SVEP1: variants seen among roughly 807,000 people sequenced by gnomAD.
SVEP1 encodes the protein sushi, von Willebrand factor type A, EGF and pentraxin domain containing 1.
A neutral mutation model predicts 367.3 loss-of-function variants in SVEP1; 164 were observed. The observed-to-expected ratio is 0.45, with a 90% confidence interval of 0.39 to 0.51. SVEP1 has a LOEUF of 0.51. SVEP1 is among the 20% of genes least tolerant of loss of function. The pLI is 0.00. For synonymous variants in SVEP1, 1,666 were observed against 1,611.6 expected (o/e 1.03, Z -0.81); for missense variants, 4,117 against 4,425.3 (o/e 0.93, Z 1.98).
intron 1 of SVEP1, among the ~76,000 whole-genome samples, chr9:110,563,904 C>T (rs917783554): frequency 2.0e-5 from 3 of 151,806 alleles, no homozygotes; most frequent in East Asian, 1.9e-4. Context: ...GTAATAAAAC[C>T]AAAAAAACAC....
intron 35 of SVEP1, 62 bp from the exon 36 acceptor site, chr9:110,427,820 CA>C: frequency 6.6e-7 from 1 of 1,524,864 alleles, no homozygotes; most frequent in East Asian, 2.3e-5. Flanking sequence ...GGAGATAAAA[CA>C]GGAAGAACTC....
chr9:110,491,402 C>G (rs74717003), intron 8 of SVEP1, among the ~76,000 whole-genome samples: 4,283 of 151,906 alleles, frequency 0.028, 193 homozygotes, highest in African/African-American at 0.098. Context: ...AATATGGCAT[C>G]TATTTCTGTT....
At chr9:110,475,239 T>C (rs1437994408) in intron 14 of SVEP1, among the ~76,000 whole-genome samples, 2 of 152,188 alleles carry the variant, frequency 1.3e-5, no homozygotes, top group Non-Finnish European at 2.9e-5. Context: ...CAGACATGAC[T>C]AGTATTCGAA....
At chr9:110,435,756 G>A (rs1201259157) in intron 28 of SVEP1, among the ~76,000 whole-genome samples, 1 of 152,168 alleles carries the variant, frequency 6.6e-6, no homozygotes, top group Admixed American at 6.5e-5. Context: ...GTAGTAATAA[G>A]AGCAAACATT....
chr9:110,467,212 T>G (rs1224061518), intron 17 of SVEP1, among the ~76,000 whole-genome samples: 1 of 152,210 alleles, frequency 6.6e-6, no homozygotes, highest in African/African-American at 2.4e-5. Context: ...GAACTCTTAC[T>G]GAGAATAATA....
intron 3 of SVEP1, among the ~76,000 whole-genome samples, chr9:110,522,789 C>A (rs1319185031): frequency 6.6e-6 from 1 of 151,958 alleles, no homozygotes. Flanking sequence ...TTTCTTCACT[C>A]CTCTACCTCA....
intron 40 of SVEP1, among the ~76,000 whole-genome samples, chr9:110,394,442 C>T (rs1485167974): frequency 8.5e-5 from 13 of 152,258 alleles, no homozygotes; most frequent in East Asian, 5.8e-4. Context: ...AAAATCAGAG[C>T]GCCTCTCCTC....
intron 18 of SVEP1, among the ~76,000 whole-genome samples, chr9:110,461,873 TGATA>T (rs1467024565): frequency 1.3e-5 from 2 of 152,204 alleles, no homozygotes; most frequent in Admixed American, 1.3e-4. Flanking sequence ...ACTCTTTGAT[TGATA>T]GATCTCAGAG....
At chr9:110,503,813 G>A (rs1417410209) in intron 5 of SVEP1, among the ~76,000 whole-genome samples, 2 of 152,018 alleles carry the variant, frequency 1.3e-5, no homozygotes, top group African/African-American at 4.8e-5. Context: ...CTCATGATAC[G>A]AATCTTGACT....
rs763006866 is a variant in SVEP1 at position 110,579,558 on chromosome 9, A to C, written c.-15T>G. The C allele has an allele frequency of 6.4e-7, 1 of 1,570,082 alleles. No homozygotes were observed. Among genetic ancestry groups the C allele is most frequent in the South Asian group, 1.2e-5 (1 of 85,784 alleles). On this transcript the variant is annotated 5_prime_UTR_variant, in exon 1 of 48. Coordinates refer to ENST00000374469, the MANE Select transcript of SVEP1 (RefSeq NM_153366.4). The surrounding 1 kb of genome is among the most constrained non-coding windows in gnomAD (Gnocchi z 5.3). ...CGAGGCCACATCGCGCTGGAGACAG[A>C]GCGGCTGCCCCGGAGCGCAGGCGGC...
At position 110,528,131 on chromosome 9, in the gene SVEP1, C is replaced by CGTGTGT. The variant is rs35039778; in HGVS notation, c.965-14031_965-14026dup. Among the ~76,000 whole-genome samples the CGTGTGT allele has an allele frequency of 2.1e-3, 140 of 65,340 alleles. 9 individuals carry two copies. Among genetic ancestry groups the CGTGTGT allele is most frequent in the South Asian group, 2.5e-3 (5 of 1,964 alleles). 42.9% of individuals were successfully genotyped at this position (65,340 alleles called of 152,430 possible). ...ATATACATATATACATACATACACA[C>CGTGTGT]GTGTGTGTGTGTGTGTGTGTGTGTG... On this transcript the variant is annotated intron_variant, in intron 3 of 47. Coordinates refer to ENST00000374469, the MANE Select transcript of SVEP1 (RefSeq NM_153366.4).
intron 1 of SVEP1, among the ~76,000 whole-genome samples, chr9:110,568,457 A>G (rs989694751): frequency 1.3e-5 from 2 of 152,196 alleles, no homozygotes; most frequent in African/African-American, 4.8e-5. Context: ...TAGGATTTAT[A>G]CTTTTATTGC....
chr9:110,545,129 G>T (rs577736960), intron 3 of SVEP1, among the ~76,000 whole-genome samples: 8 of 152,234 alleles, frequency 5.3e-5, no homozygotes, highest in Admixed American at 1.3e-4. Context: ...GTCTTCCATT[G>T]TGTATATAGA....
Position 110,579,208 on chromosome 9 carries a change from G to A in SVEP1, c.336C>T (p.Asp112=), listed in dbSNP as rs1294135200. 6.4e-7 allele frequency: 1 copy of A among 1,571,606 alleles called. No homozygotes were observed. Among genetic ancestry groups the A allele is most frequent in the Non-Finnish European group, 8.6e-7 (1 of 1,159,062 alleles). Residue 112 remains aspartate, a synonymous_variant, in exon 1 of 48, where the codon GAC becomes GAT. Transcript: ENST00000374469. The surrounding 1 kb of genome is among the most constrained non-coding windows in gnomAD (Gnocchi z 5.3). ...GCGTGGCCGTGGGCACCACGGGGAA[G>A]TCGGACAGCAGCTTGCGGACGAACA... ...ELMFVRKLLS[D]FPVVPTATRV... is the part of the protein sequence containing the mutation.
At position 110,400,980 on chromosome 9, in the gene SVEP1, G is replaced by A. The variant is rs536831128; in HGVS notation, c.9696C>T (p.Ser3232=). The A allele has an allele frequency of 3.3e-5, 54 of 1,613,812 alleles. No individual in the cohort carries two copies. The highest frequency in any genetic ancestry group is 2.2e-4 in the Admixed American group (13 of 59,984). ...QLDGTWEPPF[S]DESCSPVSCG... is the part of the protein sequence containing the mutation. ...AAGAAACTGGACTGCAAGATTCATC[G>A]GAGAATGGTGGCTCCCAGGTTCCAT... Residue 3232 remains serine (S), a synonymous_variant, in exon 40 of 48, where the codon TCC becomes TCT. Transcript: ENST00000374469.
chr9:110,440,244 T>A (rs575378028), intron 27 of SVEP1, among the ~76,000 whole-genome samples: 1 of 152,158 alleles, frequency 6.6e-6, no homozygotes, highest in Non-Finnish European at 1.5e-5. Context: ...CTTTATCACG[T>A]CTTCCTTTTC....
rs566246969 is a variant in SVEP1, at chr9:110,564,850, A to G, written c.531+14163T>C. 2.2e-5 allele frequency among the ~76,000 whole-genome samples: 3 copies of G among 138,162 alleles called. 1 individual carries two copies. Among genetic ancestry groups the G allele is most frequent in the Middle Eastern group, 7.4e-3 (2 of 272 alleles). The allele number at this position is 138,162 out of a possible 152,430, so 90.6% of individuals were successfully genotyped here. ...TCAATGACAGTAGTCATATTTATAT[A>G]CATTATCTTTCAAATGTGTTGACTT... On this transcript the variant is annotated intron_variant, in intron 1 of 47. Coordinates refer to ENST00000374469, the MANE Select transcript of SVEP1 (RefSeq NM_153366.4).
chr9:110,371,280 A>G lies in SVEP1; in HGVS notation c.10601-1264T>C, dbSNP rs79632311. Among the ~76,000 whole-genome samples the G allele has an allele frequency of 3.6e-3, 548 of 152,332 alleles. 5 individuals are homozygous for G. Among genetic ancestry groups the G allele is most frequent in the African/African-American group, 0.012 (518 of 41,574 alleles). Reference sequence around the variant, plus strand: ...TAAGAACACGTTACTCCTTTTCAGGACTATGCTGAATTAGCAGTGCCTGAC... The same window carrying G: ...TAAGAACACGTTACTCCTTTTCAGGGCTATGCTGAATTAGCAGTGCCTGAC... On this transcript the variant is annotated intron_variant, in intron 46 of 47. Transcript: ENST00000374469.
rs35109985 is a variant in SVEP1, at chr9:110,392,133, T to TTA, written c.9823-2548_9823-2547dup. ...CATTAACTTGTGACCCAATTCCTCA[T>TTA]TATATATATATATATATATATCTCT... On this transcript the variant is annotated intron_variant, in intron 40 of 47. Transcript: ENST00000374469. Among the ~76,000 whole-genome samples the TTA allele has an allele frequency of 3.7e-3, 370 of 99,626 alleles. 10 individuals are homozygous for TTA. The highest frequency in any genetic ancestry group is 0.018 in the East Asian group (57 of 3,206). The allele number at this position is 99,626 out of a possible 152,430, so 65.4% of individuals were successfully genotyped here.
Sources: gnomAD v4.1 joint callset for allele counts (sites outside exome capture counted in the v4.1 genomes callset) on GRCh38, gnomAD v4.1.1 for gene constraint, Gnocchi (gnomAD v3.1) non-coding constraint, MANE v1.5 for transcripts, NCBI Gene and HGNC (gene_info 2026-07-23, HGNC 2026-07-21) for gene names.